RFX7: variants seen among roughly 807,000 people sequenced by gnomAD.
RFX7 encodes regulatory factor X7, also known as DNA-binding protein RFX7.
In RFX7, 26 loss-of-function variants were observed where a neutral mutation model predicts 111.8. That is an observed-to-expected ratio of 0.23 (90% confidence interval 0.17 to 0.32). The LOEUF (loss-of-function observed/expected upper bound fraction) is 0.32, where lower values mean the gene tolerates loss of function less well. Among genes scored for constraint, RFX7 ranks in the 10% least tolerant of loss-of-function variants. The probability of loss-of-function intolerance (pLI) is 1.00; values close to 1 mark genes in which losing one functional copy is unlikely to be tolerated. For missense variants in RFX7, 1,573 were observed against 1,772.9 expected, an observed-to-expected ratio of 0.89 and a Z score of 2.02; for synonymous variants, 624 against 624.4, an observed-to-expected ratio of 1.00 and a Z score of 0.01.
intron 5 of RFX7, among the ~76,000 whole-genome samples, chr15:56,134,912 A>G (rs866311884): frequency 3.9e-4 from 59 of 151,942 alleles, no homozygotes; most frequent in African/African-American, 1.1e-3. Context: ...ATGTTTTCCA[A>G]TTTCATCCAT....
In RFX7 at chr15:56,089,919, T is replaced by C. The variant is rs1234307692; in HGVS notation, c.*3426A>G. 1.3e-5 allele frequency: 2 copies of C among 151,738 alleles called. No individual in the cohort carries two copies. The highest frequency in any genetic ancestry group is 2.4e-5 in the African/African-American group (1 of 41,306). The allele number at this position is 151,738 out of a possible 1,614,324, so 9.4% of individuals were successfully genotyped here. The stretch of plus-strand genomic sequence containing the variant: ...ACAAAGATCTATGTAAACAGAGGAG[T>C]AGGCTGTTTGAGAAGATCTGTCTAC... On this transcript the variant is annotated 3_prime_UTR_variant, in exon 10 of 10. Coordinates refer to ENST00000559447, the MANE Select transcript of RFX7 (RefSeq NM_022841.7).
intron 3 of RFX7, among the ~76,000 whole-genome samples, chr15:56,146,737 A>T (rs998692321): frequency 2.6e-5 from 4 of 152,178 alleles, no homozygotes; most frequent in Admixed American, 2.0e-4. Flanking sequence ...AATTTTTTTT[A>T]AAACAATGAA....
chr15:56,126,459 G>A (rs1158257814), intron 5 of RFX7, among the ~76,000 whole-genome samples: 1 of 152,144 alleles, frequency 6.6e-6, no homozygotes, highest in African/African-American at 2.4e-5. Context: ...TCACTTGTGT[G>A]GTGGATTCCC....
At chr15:56,195,944 T>A (rs1300222892) in intron 2 of RFX7, among the ~76,000 whole-genome samples, 5 of 152,152 alleles carry the variant, frequency 3.3e-5, no homozygotes, top group Non-Finnish European at 5.9e-5. Flanking sequence ...GCTTTTGACA[T>A]AGGATGCTAT....
chr15:56,149,804 T>C (rs1402168164), intron 3 of RFX7, among the ~76,000 whole-genome samples: 1 of 151,812 alleles, frequency 6.6e-6, no homozygotes, highest in Non-Finnish European at 1.5e-5. Context: ...GCAGGAGCTT[T>C]TTTTTTTTTC....
intron 2 of RFX7, among the ~76,000 whole-genome samples, chr15:56,218,967 C>G (rs185356844): frequency 9.2e-5 from 14 of 152,108 alleles, no homozygotes; most frequent in Admixed American, 4.6e-4. Flanking sequence ...GTGAAGGAAT[C>G]AAATTAGATA....
rs77742131 is a variant in RFX7, at chr15:56,148,186, C to G, written c.196-3703G>C. On this transcript the variant is annotated intron_variant, in intron 3 of 9. Transcript: ENST00000559447. ...AAGATATTAAAAAGGAATCTTTGAACTCAAGTTTGATTTATATGTCAAACA... is the reference window on the plus strand; with the variant it reads ...AAGATATTAAAAAGGAATCTTTGAAGTCAAGTTTGATTTATATGTCAAACA... 3.4e-3 allele frequency among the ~76,000 whole-genome samples: 520 copies of G among 152,306 alleles called. 1 individual carries two copies. The highest frequency in any genetic ancestry group is 0.022 in the South Asian group (107 of 4,824).
chr15:56,160,352 T>G (rs531743741), intron 3 of RFX7, among the ~76,000 whole-genome samples: 11 of 133,506 alleles, frequency 8.2e-5, no homozygotes, highest in Non-Finnish European at 1.4e-4. Context: ...CAGTAAAAAG[T>G]TTTTTTTTTT....
intron 2 of RFX7, among the ~76,000 whole-genome samples, chr15:56,233,306 T>G (rs1258925911): frequency 6.6e-6 from 1 of 152,156 alleles, no homozygotes; most frequent in Non-Finnish European, 1.5e-5. Flanking sequence ...GAAGTTTCCC[T>G]TTATAAAACC....
intron 5 of RFX7, among the ~76,000 whole-genome samples, chr15:56,107,253 C>T (rs1357766914): frequency 1.5e-5 from 2 of 135,700 alleles, no homozygotes; most frequent in African/African-American, 5.6e-5. Context: ...GCCGAGATCG[C>T]GCCACTGCAC....
At chr15:56,188,910 G>A (rs538700271) in intron 2 of RFX7, among the ~76,000 whole-genome samples, 62 of 152,142 alleles carry the variant, frequency 4.1e-4, no homozygotes, top group Admixed American at 2.0e-3. Flanking sequence ...TCGGCTCACT[G>A]CAACCTCCAC....
At chr15:56,135,627 C>A (rs1267499369) in intron 5 of RFX7, among the ~76,000 whole-genome samples, 1 of 151,990 alleles carries the variant, frequency 6.6e-6, no homozygotes, top group African/African-American at 2.4e-5. Flanking sequence ...TAATTAGATC[C>A]CATTTGTCAA....
At chr15:56,150,051 G>A (rs1198645596) in intron 3 of RFX7, among the ~76,000 whole-genome samples, 1 of 137,856 alleles carries the variant, frequency 7.3e-6, no homozygotes, top group Admixed American at 7.2e-5. Flanking sequence ...GGGCGGGGGG[G>A]TCGGCCATTG....
intron 5 of RFX7, among the ~76,000 whole-genome samples, chr15:56,113,226 A>C (rs1350765925): frequency 6.6e-6 from 1 of 152,232 alleles, no homozygotes; most frequent in African/African-American, 2.4e-5. Flanking sequence ...AGCACTATTC[A>C]CAATAGCAAA....
chr15:56,185,052 AAC>A (rs2141147880), intron 2 of RFX7, among the ~76,000 whole-genome samples: 2 of 152,314 alleles, frequency 1.3e-5, no homozygotes, highest in East Asian at 3.9e-4. Context: ...TTGAATACAA[AAC>A]ACATTTTCCT....
intron 3 of RFX7, among the ~76,000 whole-genome samples, chr15:56,165,074 G>A (rs555991015): frequency 9.2e-5 from 14 of 152,204 alleles, no homozygotes; most frequent in Admixed American, 3.3e-4. Flanking sequence ...CATAAGGCAC[G>A]TATAACCTAG....
chr15:56,181,273 TC>T (rs1244531855), intron 2 of RFX7, among the ~76,000 whole-genome samples: 4 of 152,178 alleles, frequency 2.6e-5, no homozygotes, highest in Non-Finnish European at 4.4e-5. Flanking sequence ...AGGACTTTTC[TC>T]CCATATAACT....
At chr15:56,217,397 C>T (rs1175101362) in intron 2 of RFX7, among the ~76,000 whole-genome samples, 1 of 151,788 alleles carries the variant, frequency 6.6e-6, no homozygotes, top group East Asian at 1.9e-4. Flanking sequence ...TAGGTTCATA[C>T]ACTGTAAGGG....
In RFX7 at chr15:56,109,756, G is replaced by C. The variant is rs2041885934; in HGVS notation, c.402-6086C>G. On this transcript the variant is annotated intron_variant, in intron 5 of 9. Transcript: ENST00000559447. ...GGCCGCCCCGTCTGAGAAGTGAGGA[G>C]ACCCTCTGCCTGGCAACCGCCCTGT... 3.3e-5 allele frequency among the ~76,000 whole-genome samples: 5 copies of C among 151,616 alleles called. No individual in the cohort carries two copies. In the South Asian group the frequency reaches 1.0e-3, roughly 32 times the overall value.
Sources: gnomAD v4.1 joint callset for allele counts (sites outside exome capture counted in the v4.1 genomes callset) on GRCh38, gnomAD v4.1.1 for gene constraint, MANE v1.5 for transcripts, NCBI Gene and HGNC (gene_info 2026-07-23, HGNC 2026-07-21) for gene names.